The following MFAP1 variants were observed in gnomAD, a reference collection of about 807,000 sequenced individuals.
MFAP1 encodes microfibrillar-associated protein 1.
MFAP1 carries 18 observed loss-of-function variants against 62.2 expected under a neutral mutation model. That is an observed-to-expected ratio of 0.29 (90% CI 0.20 to 0.43). MFAP1 has a LOEUF of 0.43. MFAP1 is among the 20% of genes least tolerant of loss of function. MFAP1 has a pLI of 1.00. For synonymous variants in MFAP1, 175 were observed against 180.4 expected, an observed-to-expected ratio of 0.97 and a Z score of 0.24; for missense variants, 355 against 559.7, an observed-to-expected ratio of 0.63 and a Z score of 3.69.
intron 7 of MFAP1, among the ~76,000 whole-genome samples, chr15:43,806,593 G>A (rs2087367230): frequency 3.3e-5 from 5 of 152,198 alleles, no homozygotes; most frequent in Admixed American, 3.3e-4. Flanking sequence ...ACAACACCTA[G>A]GCTGGGCGCA....
chr15:43,813,242 C>T lies in MFAP1; in HGVS notation c.726+7G>A, dbSNP rs369786708. 6.8e-6 allele frequency: 11 copies of T among 1,614,008 alleles called. No individual in the cohort carries two copies. The African/African-American group carries it at 1.3e-4, about 20-fold the overall frequency. On this transcript the variant is annotated splice_region_variant and intron_variant, in intron 5 of 8. Transcript: ENST00000267812. ...TGTACTCATTCCTTGCAACCACTCC[C>T]CAGTACCTTGAGTGTGTACTTGCGC...
In MFAP1 at chr15:43,817,390, G is replaced by A; in HGVS notation, c.138C>T (p.Asp46=). 12 of 1,614,138 alleles carry A rather than the reference G, an allele frequency of 7.4e-6. No homozygotes were observed. The highest frequency in any genetic ancestry group is 8.5e-6 in the Non-Finnish European group (10 of 1,180,036). ...CATCTGAGGACTCCATAGGGGCATAGTCTGGCCTTTTTCCGGACACATAAC... is the reference window on the plus strand; with the variant it reads ...CATCTGAGGACTCCATAGGGGCATAATCTGGCCTTTTTCCGGACACATAAC... ...VKRYVSGKRP[D]YAPMESSDEE... is the part of the protein sequence containing the mutation. The change falls in exon 2 of 9, where the codon GAC becomes GAT. Residue 46 remains aspartate, a synonymous_variant. Coordinates refer to ENST00000267812, the MANE Select transcript of MFAP1 (RefSeq NM_005926.3).
At position 43,817,523 on chromosome 15, in the gene MFAP1, T is replaced by A; in HGVS notation, c.80-75A>T. On this transcript the variant is annotated intron_variant, in intron 1 of 8. Transcript: ENST00000267812. ...TTCAACCCATCACGGCCTTTGCAAA[T>A]AGAGCCCTTTATTCATAGTAGACAA... 7.8e-6 allele frequency: 11 copies of A among 1,416,666 alleles called. 2 individuals are homozygous for A. The South Asian group carries it at 1.3e-4, about 17-fold the overall frequency. 87.8% of individuals were successfully genotyped at this position (1,416,666 alleles called of 1,614,324 possible). A position where few individuals can be genotyped will look rare whatever the true frequency, so the allele number is the denominator to read the frequency against.
At chr15:43,805,863 T>A (rs1471304794) in intron 7 of MFAP1, among the ~76,000 whole-genome samples, 1 of 152,112 alleles carries the variant, frequency 6.6e-6, no homozygotes, top group African/African-American at 2.4e-5. Context: ...CTGCCCACCT[T>A]GGCCTCCCAA....
chr15:43,811,228 G>A (rs1248741501), intron 6 of MFAP1, among the ~76,000 whole-genome samples: 27 of 149,948 alleles, frequency 1.8e-4, no homozygotes, highest in Non-Finnish European at 3.1e-4. Flanking sequence ...CAGCCTGGCC[G>A]ACATGGTGAA....
Position 43,813,058 on chromosome 15 carries a change from A to C in MFAP1, c.816T>G (p.Asp272Glu), listed in dbSNP as rs116558850. Residue 272 changes from aspartate (D) to glutamate (E), a missense_variant, in exon 6 of 9, where the codon GAT becomes GAG. Asp to Glu is a conservative substitution (Grantham distance 45). Coordinates refer to ENST00000267812, the MANE Select transcript of MFAP1 (RefSeq NM_005926.3). ...CTTTCCATGCCTCATATTCCTCCTC[A>C]TCATTTTCATCATCAGTATTGAGTG... ...LDALNTDDENDEEEYEAWKVR... is the reference protein window; with the variant it reads ...LDALNTDDENEEEEYEAWKVR... 8 of 1,613,954 alleles carry C rather than the reference A, an allele frequency of 5.0e-6. No individual in the cohort carries two copies. The highest frequency in any genetic ancestry group is 6.8e-6 in the Non-Finnish European group (8 of 1,180,022).
chr15:43,815,126 C>G (rs180915550), intron 2 of MFAP1, 52 bp from the exon 3 acceptor site: 32 of 1,607,132 alleles, frequency 2.0e-5, no homozygotes, highest in Admixed American at 6.7e-5. Flanking sequence ...AATGAAGTAG[C>G]ATCAACTGCA....
At chr15:43,816,723 A>C (rs1341375673) in intron 2 of MFAP1, among the ~76,000 whole-genome samples, 1 of 152,194 alleles carries the variant, frequency 6.6e-6, no homozygotes, top group African/African-American at 2.4e-5. Flanking sequence ...CCTACTCTAT[A>C]AAGTAATGTC....
At chr15:43,816,193 A>G (rs1181094216) in intron 2 of MFAP1, among the ~76,000 whole-genome samples, 1 of 152,044 alleles carries the variant, frequency 6.6e-6, no homozygotes, top group Non-Finnish European at 1.5e-5. Flanking sequence ...GAGAATGAAT[A>G]AAAGTGTTTT....
At chr15:43,810,483 C>T (rs1007419950) in intron 6 of MFAP1, among the ~76,000 whole-genome samples, 1 of 151,446 alleles carries the variant, frequency 6.6e-6, no homozygotes, top group Non-Finnish European at 1.5e-5. Context: ...TCTCCTGCCT[C>T]AGCCTCCCGA....
intron 1 of MFAP1, among the ~76,000 whole-genome samples, chr15:43,818,018 C>CTTTTTT (rs780258021): frequency 2.3e-5 from 3 of 131,744 alleles, no homozygotes; most frequent in Admixed American, 8.0e-5. Flanking sequence ...AAATACAATT[C>CTTTTTT]TTTTTTTTTT....
At chr15:43,810,271 G>A in intron 6 of MFAP1, 1 of 196,022 alleles carries the variant, frequency 5.1e-6, no homozygotes, top group African/African-American at 2.3e-5. Context: ...AGGCTTTGCT[G>A]GTATTCCTTT....
intron 6 of MFAP1, among the ~76,000 whole-genome samples, chr15:43,812,238 T>C (rs912824581): frequency 6.6e-6 from 1 of 151,766 alleles, no homozygotes; most frequent in Non-Finnish European, 1.5e-5. Flanking sequence ...ATTATTTAAG[T>C]GCCACAAATT....
intron 2 of MFAP1, among the ~76,000 whole-genome samples, chr15:43,816,314 C>T (rs1291780050): frequency 2.1e-5 from 3 of 144,320 alleles, no homozygotes; most frequent in African/African-American, 5.1e-5. Flanking sequence ...GGCGTGATCT[C>T]GGCTCACTGC....
chr15:43,813,465 T>C (rs2087415645), intron 4 of MFAP1, 108 bp from the exon 5 acceptor site: 1 of 983,258 alleles, frequency 1.0e-6, no homozygotes, highest in Non-Finnish European at 1.5e-6. Flanking sequence ...AATCTTTGGC[T>C]CTATTATTTT....
intron 1 of MFAP1, among the ~76,000 whole-genome samples, chr15:43,822,016 T>C (rs961192080): frequency 6.6e-6 from 1 of 151,616 alleles, no homozygotes; most frequent in African/African-American, 2.4e-5. Flanking sequence ...TTGGAATATA[T>C]AAAAACAAAG....
chr15:43,810,638 A>G (rs1300431003), intron 6 of MFAP1, among the ~76,000 whole-genome samples: 1 of 152,066 alleles, frequency 6.6e-6, no homozygotes, highest in Non-Finnish European at 1.5e-5. Flanking sequence ...AAGTGTTGGG[A>G]TTATAGGCGT....
In MFAP1 at chr15:43,814,702, T is replaced by A. The variant is rs367592359; in HGVS notation, c.430-14A>T. The A allele has an allele frequency of 9.3e-4, 1,496 of 1,611,826 alleles. 1 individual carries two copies. Among genetic ancestry groups the A allele is most frequent in the Non-Finnish European group, 1.2e-3 (1,360 of 1,179,038 alleles). On this transcript the variant is annotated splice_polypyrimidine_tract_variant and intron_variant, in intron 3 of 8. Transcript: ENST00000267812. ...CCGCTCTATTTCCTATCAAGTCATA[T>A]ATATAAGCCAGTCAGTCAAATGGCC...
In MFAP1 at chr15:43,824,000, T is replaced by C. The variant is rs117354552; in HGVS notation, c.79+491A>G. On this transcript the variant is annotated intron_variant, in intron 1 of 8. Coordinates refer to ENST00000267812, the MANE Select transcript of MFAP1 (RefSeq NM_005926.3). ...AGGCATTCTCTATCTATCTATCTAG[T>C]CTGATATTATATACATATTCTGATA... 2.6e-3 allele frequency among the ~76,000 whole-genome samples: 391 copies of C among 152,084 alleles called. 8 individuals are homozygous for C. In the East Asian group the frequency reaches 0.055, roughly 21 times the overall value.
Sources: gnomAD v4.1 joint callset for allele counts (sites outside exome capture counted in the v4.1 genomes callset) on GRCh38, gnomAD v4.1.1 for gene constraint, MANE v1.5 for transcripts, NCBI Gene and HGNC (gene_info 2026-07-23, HGNC 2026-07-21) for gene names.